The following TNFRSF1B variants were observed in gnomAD, a reference collection of about 807,000 sequenced individuals.
TNFRSF1B encodes tumor necrosis factor receptor superfamily member 1B.
Under a neutral mutation model 44.6 loss-of-function variants are expected in TNFRSF1B, and 19 were observed. That is an observed-to-expected ratio of 0.43 (90% CI 0.30 to 0.62). The LOEUF (loss-of-function observed/expected upper bound fraction) is 0.62. TNFRSF1B is among the 20% of genes least tolerant of loss of function. The pLI, the probability that TNFRSF1B is intolerant of heterozygous loss-of-function variation, is 0.16. For missense variants in TNFRSF1B, 541 were observed against 619.9 expected (o/e 0.87, Z 1.35); for synonymous variants, 252 against 261.1 (o/e 0.97, Z 0.34).
intron 8 of TNFRSF1B, among the ~76,000 whole-genome samples, chr1:12,198,982 T>C (rs1639331597): frequency 6.6e-6 from 1 of 152,052 alleles, no homozygotes; most frequent in Non-Finnish European, 1.5e-5. Context: ...TGTGAGCCAC[T>C]GCGCCCGGCC....
intron 1 of TNFRSF1B, among the ~76,000 whole-genome samples, chr1:12,176,613 A>G (rs752783024): frequency 2.0e-5 from 3 of 152,188 alleles, no homozygotes; most frequent in African/African-American, 4.8e-5. Context: ...TCCAGTGTCC[A>G]TGCTCTCAGC....
intron 1 of TNFRSF1B, among the ~76,000 whole-genome samples, chr1:12,184,360 T>C (rs898404491): frequency 4.0e-5 from 6 of 151,862 alleles, no homozygotes; most frequent in Admixed American, 2.0e-4. Context: ...TTTTTTTTTT[T>C]CTGTCCAAGA....
At chr1:12,183,748 T>TCTAGCTAGCTAG (rs1174385673) in intron 1 of TNFRSF1B, among the ~76,000 whole-genome samples, 22 of 117,026 alleles carry the variant, frequency 1.9e-4, no homozygotes, top group Non-Finnish European at 3.7e-4. Flanking sequence ...TATCTATCTA[T>TCTAGCTAGCTAG]CTAGCTAGCT....
In TNFRSF1B at chr1:12,180,511, G is replaced by A. The variant is rs547607134; in HGVS notation, c.79-8285G>A. Among the ~76,000 whole-genome samples the A allele has an allele frequency of 4.9e-4, 74 of 152,280 alleles. No homozygotes were observed. Among genetic ancestry groups the A allele is most frequent in the African/African-American group, 1.6e-3 (68 of 41,558 alleles). On this transcript the variant is annotated intron_variant, in intron 1 of 9. Transcript: ENST00000376259. The surrounding 1 kb of genome is among the most constrained non-coding windows in gnomAD (Gnocchi z 4.3). The stretch of plus-strand genomic sequence containing the variant: ...ACAAGCAGCAAGTCAGTTGACCCGG[G>A]GTTGCTCAATTCCCCAAGAGCTGAC...
intron 1 of TNFRSF1B, among the ~76,000 whole-genome samples, chr1:12,184,419 C>T (rs1278445551): frequency 2.0e-5 from 3 of 152,080 alleles, no homozygotes; most frequent in African/African-American, 7.2e-5. Flanking sequence ...CCTCTGCCAG[C>T]TACTGGGGGC....
Position 12,192,414 on chromosome 1 carries a change from C to A in TNFRSF1B, c.458-17C>A. 6.2e-7 allele frequency: 1 copy of A among 1,613,324 alleles called. No individual in the cohort carries two copies. The highest frequency in any genetic ancestry group is 1.1e-5 in the South Asian group (1 of 91,028). ...AGAGTGTCTGAGTGGTTGACAAGTT[C>A]GGATTGTTCCCTGAAGGAACTGAAA... On this transcript the variant is annotated splice_polypyrimidine_tract_variant and intron_variant, in intron 4 of 9. Transcript: ENST00000376259.
intron 1 of TNFRSF1B, among the ~76,000 whole-genome samples, chr1:12,184,691 C>T (rs558772679): frequency 6.6e-6 from 1 of 152,332 alleles, no homozygotes; most frequent in Admixed American, 6.5e-5. Flanking sequence ...CACGGCAGGG[C>T]TCTTTCCCAT....
rs551208069 is a variant in TNFRSF1B at position 12,187,003 on chromosome 1, G to C, written c.79-1793G>C. 2.0e-5 allele frequency among the ~76,000 whole-genome samples: 3 copies of C among 152,230 alleles called. No individual in the cohort carries two copies. The highest frequency in any genetic ancestry group is 7.2e-5 in the African/African-American group (3 of 41,538). ...GGGCAGGACTCAGGGGCTTGCTCCC[G>C]GGGGTCCTGGGAAGGCACAATGGTG... On this transcript the variant is annotated intron_variant, in intron 1 of 9. Coordinates refer to ENST00000376259, the MANE Select transcript of TNFRSF1B (RefSeq NM_001066.3). The surrounding 1 kb of genome is among the most constrained non-coding windows in gnomAD (Gnocchi z 5.5).
chr1:12,197,040 C>T (rs1367529957), intron 8 of TNFRSF1B, among the ~76,000 whole-genome samples: 3 of 152,114 alleles, frequency 2.0e-5, no homozygotes, highest in East Asian at 1.9e-4. Context: ...CTCCGCCTCC[C>T]GGGTTCGAGT....
rs1342004954 is a variant in TNFRSF1B, at chr1:12,167,184, C to A, written c.78+15C>A. ...TGCCCGCCCAGGTGGGTGACTCGCG[C>A]GGCCCACGGGGGACAGCCGCCCCGC... On this transcript the variant is annotated intron_variant, in intron 1 of 9. Coordinates refer to ENST00000376259, the MANE Select transcript of TNFRSF1B (RefSeq NM_001066.3). 1 of 1,260,488 alleles carries A rather than the reference C, an allele frequency of 7.9e-7. No homozygotes were observed. The allele number at this position is 1,260,488 out of a possible 1,614,324, so 78.1% of individuals were successfully genotyped here.
chr1:12,189,339 G>C (rs1410770229), intron 2 of TNFRSF1B, among the ~76,000 whole-genome samples: 1 of 152,202 alleles, frequency 6.6e-6, no homozygotes, highest in Admixed American at 6.5e-5. Flanking sequence ...ATTATAGCCC[G>C]GTCCTGCTTC....
chr1:12,182,992 T>C (rs1236371108), intron 1 of TNFRSF1B, among the ~76,000 whole-genome samples: 2 of 152,150 alleles, frequency 1.3e-5, no homozygotes, highest in South Asian at 2.1e-4. Context: ...GTGGCAAGGA[T>C]TGCAGCTCTT....
intron 1 of TNFRSF1B, among the ~76,000 whole-genome samples, chr1:12,183,744 TCTA>T (rs1638896765): frequency 1.9e-5 from 2 of 103,762 alleles, no homozygotes; most frequent in Admixed American, 8.8e-5. Flanking sequence ...TATCTATCTA[TCTA>T]TCTAGCTAGC....
At chr1:12,179,885 C>T (rs934923540) in intron 1 of TNFRSF1B, among the ~76,000 whole-genome samples, 4 of 152,186 alleles carry the variant, frequency 2.6e-5, no homozygotes, top group East Asian at 1.9e-4. Context: ...GGTATATGAA[C>T]GTGCCCAGCA....
chr1:12,202,383 C>A (rs1010851047), intron 9 of TNFRSF1B, among the ~76,000 whole-genome samples: 3 of 152,244 alleles, frequency 2.0e-5, no homozygotes, highest in African/African-American at 7.2e-5. Context: ...TGTGGGACAA[C>A]CCCAGCTTGT....
chr1:12,169,106 C>T lies in TNFRSF1B; in HGVS notation c.78+1937C>T, dbSNP rs1310577074. 6.6e-6 allele frequency among the ~76,000 whole-genome samples: 1 copy of T among 152,250 alleles called. No homozygotes were observed. ...AGGCCTTCTGCAAATGCCATTCTCTCCAGGAAAGCCTTTCCGCATTCTCAG... is the reference window on the plus strand; with the variant it reads ...AGGCCTTCTGCAAATGCCATTCTCTTCAGGAAAGCCTTTCCGCATTCTCAG... On this transcript the variant is annotated intron_variant, in intron 1 of 9. Coordinates refer to ENST00000376259, the MANE Select transcript of TNFRSF1B (RefSeq NM_001066.3). The surrounding 1 kb of genome is among the most constrained non-coding windows in gnomAD (Gnocchi z 4.5).
In TNFRSF1B at chr1:12,193,976, C is replaced by T. The variant is rs773229323; in HGVS notation, c.809C>T (p.Ala270Val). The T allele has an allele frequency of 2.8e-5, 45 of 1,613,882 alleles. No homozygotes were observed. In the South Asian group the frequency reaches 4.5e-4, roughly 16 times the overall value. ...CTAGGACTGATTGTGGGTGTGACAG[C>T]CTTGGGTCTACTAATAATAGGAGTG... ...LPVGLIVGVT[A>V]LGLLIIGVVN... Residue 270 changes from alanine (A) to valine (V), a missense_variant, in exon 7 of 10, where the codon GCC (alanine) becomes GTC (valine). By Grantham distance (64) the Ala-to-Val change is moderately conservative. Coordinates refer to ENST00000376259, the MANE Select transcript of TNFRSF1B (RefSeq NM_001066.3).
At position 12,168,490 on chromosome 1, in the gene TNFRSF1B, C is replaced by T. The variant is rs535963929; in HGVS notation, c.78+1321C>T. On this transcript the variant is annotated intron_variant, in intron 1 of 9. Transcript: ENST00000376259. This position sits in a 1 kb window ranked among gnomAD's most constrained non-coding sequence, Gnocchi z 4.7. The stretch of plus-strand genomic sequence containing the variant: ...AGGGCCGAGTGTGAATGGGGACGAC[C>T]GTGGTCCCCAGCTTGACTTTGGGGT... Among the ~76,000 whole-genome samples the T allele has an allele frequency of 5.2e-4, 79 of 152,226 alleles. No individual in the cohort carries two copies. Among genetic ancestry groups the T allele is most frequent in the Non-Finnish European group, 1.0e-3 (69 of 67,996 alleles).
chr1:12,204,347 G>T (rs1639455316), intron 9 of TNFRSF1B, among the ~76,000 whole-genome samples: 1 of 152,172 alleles, frequency 6.6e-6, no homozygotes, highest in African/African-American at 2.4e-5. Flanking sequence ...TGGAGGCTCA[G>T]GGTGGAAATT....
Sources: allele counts gnomAD v4.1 joint callset (sites outside exome capture counted in the v4.1 genomes callset), GRCh38; gene constraint gnomAD v4.1.1; non-coding constraint Gnocchi (gnomAD v3.1); transcripts MANE v1.5; gene names NCBI Gene and HGNC (gene_info 2026-07-23, HGNC 2026-07-21).